PRKAR2A: variants seen among roughly 807,000 people sequenced by gnomAD.
PRKAR2A encodes protein kinase cAMP-dependent type II regulatory subunit alpha.
Under a neutral mutation model 51.9 loss-of-function variants are expected in PRKAR2A, and 29 were observed. The observed-to-expected ratio is 0.56, with a 90% CI of 0.42 to 0.76. PRKAR2A has a LOEUF of 0.76. PRKAR2A is among the 30% of genes least tolerant of loss of function. The pLI is 0.00. For missense variants in PRKAR2A, 445 were observed against 512.1 expected (o/e 0.87, Z 1.26); for synonymous variants, 178 against 186.2 (o/e 0.96, Z 0.36).
At chr3:48,799,794 T>C (rs1401792520) in intron 2 of PRKAR2A, among the ~76,000 whole-genome samples, 1 of 152,228 alleles carries the variant, frequency 6.6e-6, no homozygotes, top group Non-Finnish European at 1.5e-5. Context: ...TTCTGATTAA[T>C]GTGCTTTGAT....
chr3:48,779,381 T>G (rs2107276966), intron 5 of PRKAR2A, among the ~76,000 whole-genome samples: 1 of 152,292 alleles, frequency 6.6e-6, no homozygotes, highest in South Asian at 2.1e-4. Flanking sequence ...TGGATGCTTA[T>G]TTCCCAGATC....
At chr3:48,843,521 T>C (rs914065436) in intron 1 of PRKAR2A, among the ~76,000 whole-genome samples, 2 of 152,096 alleles carry the variant, frequency 1.3e-5, no homozygotes, top group African/African-American at 2.4e-5. Context: ...AGAGCCCGCA[T>C]CGCCAAGTCA....
intron 8 of PRKAR2A, among the ~76,000 whole-genome samples, chr3:48,762,545 G>GA (rs545458676): frequency 1.2e-4 from 18 of 152,306 alleles, no homozygotes; most frequent in African/African-American, 3.4e-4. Flanking sequence ...TGAGGCACAA[G>GA]AATCGCTTGA....
At chr3:48,837,602 T>C (rs533178970) in intron 1 of PRKAR2A, among the ~76,000 whole-genome samples, 66 of 152,210 alleles carry the variant, frequency 4.3e-4, no homozygotes, top group African/African-American at 1.5e-3. Flanking sequence ...CTATGAGAAA[T>C]GAAAACAGCT....
chr3:48,847,585 G>T lies in PRKAR2A; in HGVS notation c.12C>A (p.Ile4=), dbSNP rs1183869815. ...GCTCCGTGAGCCCCGGCGGGATCTG[G>T]ATGTGGCTCATGCCGGCGGCGGCCG... is the stretch of plus-strand genomic sequence containing the variant. MSH[I]QIPPGLTELL... is the part of the protein sequence containing the mutation. The change falls in exon 1 of 11, where the codon ATC becomes ATA. Residue 4 remains isoleucine, a synonymous_variant. Coordinates refer to ENST00000265563, the MANE Select transcript of PRKAR2A (RefSeq NM_004157.4). The surrounding 1 kb of genome is among the most constrained non-coding windows in gnomAD (Gnocchi z 4.4). 1.3e-6 allele frequency: 2 copies of T among 1,516,308 alleles called. No homozygotes were observed. Among genetic ancestry groups the T allele is most frequent in the Non-Finnish European group, 1.8e-6 (2 of 1,138,186 alleles). 93.9% of individuals were successfully genotyped at this position (1,516,308 alleles called of 1,614,324 possible).
chr3:48,797,468 G>A (rs1340399779), intron 2 of PRKAR2A, among the ~76,000 whole-genome samples: 1 of 152,130 alleles, frequency 6.6e-6, no homozygotes, highest in Admixed American at 6.6e-5. Flanking sequence ...ACTCACTGCA[G>A]TCCTGGTCTA....
chr3:48,835,191 G>A (rs1298400282), intron 1 of PRKAR2A, among the ~76,000 whole-genome samples: 2 of 151,938 alleles, frequency 1.3e-5, no homozygotes, highest in African/African-American at 2.4e-5. Context: ...GACTGGTCTC[G>A]AACTCCTGAT....
rs1250717880 is a variant in PRKAR2A at position 48,747,382 on chromosome 3, T to A, written c.*4203A>T. 3 of 152,178 alleles carry A rather than the reference T, an allele frequency of 2.0e-5. No individual in the cohort carries two copies. Among genetic ancestry groups the A allele is most frequent in the Admixed American group, 2.0e-4 (3 of 15,278 alleles). 9.4% of individuals were successfully genotyped at this position (152,178 alleles called of 1,614,324 possible). ...GTAGCTTGTACACTGTGACATGACA[T>A]GAAATGCTGTGTGCCCAGGGTGCTG... On this transcript the variant is annotated 3_prime_UTR_variant, in exon 11 of 11. Transcript: ENST00000265563.
chr3:48,811,403 A>T (rs1392688855), intron 1 of PRKAR2A, among the ~76,000 whole-genome samples: 1 of 152,178 alleles, frequency 6.6e-6, no homozygotes, highest in Non-Finnish European at 1.5e-5. Flanking sequence ...TGAGCCTGGG[A>T]GGTCAAGGTT....
intron 1 of PRKAR2A, among the ~76,000 whole-genome samples, chr3:48,829,514 A>G (rs1045734663): frequency 1.3e-5 from 2 of 150,650 alleles, no homozygotes; most frequent in Non-Finnish European, 3.0e-5. Context: ...GCAAGACTCC[A>G]TCTCAAAAAT....
At chr3:48,812,543 C>A (rs377231949) in intron 1 of PRKAR2A, among the ~76,000 whole-genome samples, 44 of 149,374 alleles carry the variant, frequency 2.9e-4, no homozygotes, top group African/African-American at 1.1e-3. Flanking sequence ...AGTGCAGTGG[C>A]ACAATCTTGG....
downstream of PRKAR2A, among the ~76,000 whole-genome samples, chr3:48,746,206 C>T (rs939665635): frequency 6.6e-6 from 1 of 151,896 alleles, no homozygotes; most frequent in East Asian, 1.9e-4. Context: ...ACTGTGTGAG[C>T]CAATTCCTTA....
In PRKAR2A at chr3:48,815,639, G is replaced by A. The variant is rs528642905; in HGVS notation, c.263-7955C>T. Reference sequence around the variant, plus strand: ...ACCTGGGAGGCGGAGGTCACAGTAAGCCGAGATCGCGCCACTGCACTCCAG... The same window carrying A: ...ACCTGGGAGGCGGAGGTCACAGTAAACCGAGATCGCGCCACTGCACTCCAG... On this transcript the variant is annotated intron_variant, in intron 1 of 10. Coordinates refer to ENST00000265563, the MANE Select transcript of PRKAR2A (RefSeq NM_004157.4). 8.6e-5 allele frequency among the ~76,000 whole-genome samples: 13 copies of A among 150,564 alleles called. 1 individual carries two copies. In the South Asian group the frequency reaches 2.5e-3, roughly 29 times the overall value.
In PRKAR2A at chr3:48,746,841, A is replaced by G. The variant is rs2081567864; in HGVS notation, c.*4744T>C. ...TAAAAAATAATTCCAAATGAAGGAC[A>G]TTTCAAACACTGTATATAGAACTCA... is the stretch of plus-strand genomic sequence containing the variant. On this transcript the variant is annotated 3_prime_UTR_variant, in exon 11 of 11. Coordinates refer to ENST00000265563, the MANE Select transcript of PRKAR2A (RefSeq NM_004157.4). 6.6e-6 allele frequency: 1 copy of G among 152,174 alleles called. No homozygotes were observed. The highest frequency in any genetic ancestry group is 1.5e-5 in the Non-Finnish European group (1 of 68,036). The allele number at this position is 152,174 out of a possible 1,614,324, so 9.4% of individuals were successfully genotyped here.
intron 1 of PRKAR2A, among the ~76,000 whole-genome samples, chr3:48,823,638 T>C (rs993573454): frequency 6.6e-6 from 1 of 151,324 alleles, no homozygotes; most frequent in African/African-American, 2.4e-5. Flanking sequence ...TTTTTTTAAT[T>C]AGCTGGGTAT....
intron 2 of PRKAR2A, among the ~76,000 whole-genome samples, chr3:48,804,778 G>A (rs1399872293): frequency 6.6e-6 from 1 of 152,104 alleles, no homozygotes; most frequent in African/African-American, 2.4e-5. Flanking sequence ...TTGGAGGAGA[G>A]GAGGTCAAAG....
At chr3:48,752,669 A>G (rs1015447842) in intron 9 of PRKAR2A, among the ~76,000 whole-genome samples, 1 of 152,048 alleles carries the variant, frequency 6.6e-6, no homozygotes, top group Non-Finnish European at 1.5e-5. Context: ...GCCTTGAACA[A>G]CATTTTACAG....
chr3:48,765,724 CAAAAAAA>C (rs756566818), intron 6 of PRKAR2A, among the ~76,000 whole-genome samples: 15 of 45,254 alleles, frequency 3.3e-4, no homozygotes, highest in South Asian at 1.2e-3. Context: ...ACCCTCATTT[CAAAAAAA>C]AAAAAAAAAA....
rs776351738 is a variant in PRKAR2A, at chr3:48,756,394, G to C, written c.924C>G (p.Ile308Met). ...ATAAACTCACCCTGCTTCTAATCAAGATGCTCACTTCGCCAGACTCTATGA... is the reference window on the plus strand; with the variant it reads ...ATAAACTCACCCTGCTTCTAATCAACATGCTCACTTCGCCAGACTCTATGA... ...FYIIESGEVS[I>M]LIRSRTKSNK... The change falls in exon 9 of 11, where the codon ATC becomes ATG. Residue 308 changes from isoleucine to methionine, a missense_variant. Ile to Met is a conservative substitution (Grantham distance 10). Coordinates refer to ENST00000265563, the MANE Select transcript of PRKAR2A (RefSeq NM_004157.4). 6.2e-7 allele frequency: 1 copy of C among 1,613,810 alleles called. No homozygotes were observed. Among genetic ancestry groups the C allele is most frequent in the Admixed American group, 1.7e-5 (1 of 60,010 alleles).
Sources: gnomAD v4.1 joint callset for allele counts (sites outside exome capture counted in the v4.1 genomes callset) on GRCh38, gnomAD v4.1.1 for gene constraint, Gnocchi (gnomAD v3.1) non-coding constraint, MANE v1.5 for transcripts, NCBI Gene and HGNC (gene_info 2026-07-23, HGNC 2026-07-21) for gene names.